GK5: variants seen among roughly 807,000 people sequenced by gnomAD.
GK5 encodes the protein ATP:glycerol 3-phosphotransferase 5.
A neutral mutation model predicts 77.3 loss-of-function variants in GK5; 39 were observed. The ratio of observed to expected loss-of-function variants is 0.50; its 90% CI spans 0.39 to 0.66. GK5 has a LOEUF of 0.66. GK5 is among the 30% of genes least tolerant of loss of function. The pLI, the probability that GK5 is intolerant of heterozygous loss-of-function variation, is 0.00. For synonymous variants in GK5, 211 were observed against 208.0 expected (o/e 1.01, Z -0.13); for missense variants, 487 against 633.8 (o/e 0.77, Z 2.49).
At chr3:142,191,566 T>C (rs1001970922) in intron 5 of GK5, among the ~76,000 whole-genome samples, 2 of 151,684 alleles carry the variant, frequency 1.3e-5, no homozygotes, top group African/African-American at 2.4e-5. Context: ...GGCTGGGCGC[T>C]GTGTCTCTTG....
chr3:142,202,019 T>C (rs895701892), intron 4 of GK5, among the ~76,000 whole-genome samples: 1 of 152,008 alleles, frequency 6.6e-6, no homozygotes, highest in African/African-American at 2.4e-5. Context: ...ATGAGAAGGA[T>C]CCAGCCACGA....
intron 15 of GK5, among the ~76,000 whole-genome samples, chr3:142,168,913 T>C (rs1577104139): frequency 6.6e-6 from 1 of 152,182 alleles, no homozygotes; most frequent in African/African-American, 2.4e-5. Flanking sequence ...AATAGGGATA[T>C]TGAGCCAACC....
At chr3:142,209,440 C>A (rs1262786722) in intron 3 of GK5, among the ~76,000 whole-genome samples, 2 of 152,124 alleles carry the variant, frequency 1.3e-5, no homozygotes, top group African/African-American at 2.4e-5. Context: ...TAGAACAAGA[C>A]AATCTAGAAT....
intron 5 of GK5, among the ~76,000 whole-genome samples, chr3:142,188,120 G>A (rs948490019): frequency 6.6e-6 from 1 of 152,016 alleles, no homozygotes; most frequent in African/African-American, 2.4e-5. Flanking sequence ...TAGTCGGCTG[G>A]GTGCGTTGGC....
At chr3:142,168,704 T>C (rs1227284624) in intron 15 of GK5, among the ~76,000 whole-genome samples, 1 of 151,984 alleles carries the variant, frequency 6.6e-6, no homozygotes, top group Non-Finnish European at 1.5e-5. Context: ...TCTGTTCAAA[T>C]GCAGATCTTT....
At chr3:142,175,487 T>C (rs1023057557) in intron 12 of GK5, among the ~76,000 whole-genome samples, 1 of 152,220 alleles carries the variant, frequency 6.6e-6, no homozygotes, top group Non-Finnish European at 1.5e-5. Flanking sequence ...CACAGATACA[T>C]AAACCTTCCT....
chr3:142,177,594 C>A lies in GK5; in HGVS notation c.1049-18G>T. The A allele has an allele frequency of 6.7e-7, 1 of 1,497,480 alleles. No individual in the cohort carries two copies. The highest frequency in any genetic ancestry group is 1.8e-5 in the Admixed American group (1 of 54,846). 92.8% of individuals were successfully genotyped at this position (1,497,480 alleles called of 1,614,324 possible). On this transcript the variant is annotated intron_variant, in intron 11 of 15. Coordinates refer to ENST00000392993, the MANE Select transcript of GK5 (RefSeq NM_001039547.3). ...GAAAAGGTCTGCAAAAACAAACAAA[C>A]AACAAAAAACCCTAAAACAAAATGA...
intron 11 of GK5, among the ~76,000 whole-genome samples, chr3:142,178,861 G>A (rs1228545875): frequency 6.6e-6 from 1 of 152,204 alleles, no homozygotes; most frequent in Non-Finnish European, 1.5e-5. Flanking sequence ...TTTTCAAAGT[G>A]GCTCTACCAA....
chr3:142,172,285 G>A (rs2063549328), intron 13 of GK5, 68 bp downstream of exon 13: 1 of 727,096 alleles, frequency 1.4e-6, no homozygotes, highest in African/African-American at 1.7e-5. Flanking sequence ...TTTCCATTTA[G>A]TAGCAAATTA....
intron 3 of GK5, among the ~76,000 whole-genome samples, chr3:142,206,497 C>G (rs2064109530): frequency 1.3e-5 from 2 of 152,262 alleles, no homozygotes; most frequent in East Asian, 3.9e-4. Flanking sequence ...TTTTAATTTG[C>G]AATTCCCTGA....
At position 142,182,952 on chromosome 3, in the gene GK5, G is replaced by C. The variant is rs767700276; in HGVS notation, c.914C>G (p.Thr305Ser). The C allele has an allele frequency of 6.2e-7, 1 of 1,610,922 alleles. No individual in the cohort carries two copies. The highest frequency in any genetic ancestry group is 1.7e-5 in the Admixed American group (1 of 60,010). The change falls in exon 10 of 16, where the codon ACT (threonine) becomes AGT (serine). Residue 305 changes from threonine (T) to serine (S), a missense_variant. Physicochemically the swap from Thr to Ser is moderately conservative, Grantham distance 58 (BLOSUM62 1). This residue lies in a region of GK5 where 323 missense variants were observed against 437.4 expected (regional missense o/e 0.74). Coordinates refer to ENST00000392993, the MANE Select transcript of GK5 (RefSeq NM_001039547.3). ...MGTGTFLDIN[T>S]GNSLQQTTGG... ...AGTAGTCTGTTGAAGGCTATTTCCA[G>C]TGTTAATATCCAAAAATGTCCCAGT...
chr3:142,198,485 G>A (rs559550451), intron 5 of GK5, among the ~76,000 whole-genome samples: 84 of 152,136 alleles, frequency 5.5e-4, no homozygotes, highest in African/African-American at 1.9e-3. Flanking sequence ...GTGGTGGCAC[G>A]CGCCTGTAGT....
At chr3:142,185,113 T>A (rs906818478) in intron 9 of GK5, 12 of 985,222 alleles carry the variant, frequency 1.2e-5, no homozygotes, top group Non-Finnish European at 1.4e-5. Context: ...GTGAAAGGAC[T>A]CTTAAAAATC....
chr3:142,191,585 C>A (rs2107782331), intron 5 of GK5, among the ~76,000 whole-genome samples: 1 of 151,988 alleles, frequency 6.6e-6, no homozygotes, highest in Middle Eastern at 3.4e-3. Context: ...TGCCTGTAAT[C>A]CCAGTACTTT....
chr3:142,199,699 T>C (rs1577135001), intron 4 of GK5, among the ~76,000 whole-genome samples: 1 of 151,850 alleles, frequency 6.6e-6, no homozygotes, highest in East Asian at 1.9e-4. Flanking sequence ...AGCAAAATCT[T>C]TAATTTACAA....
Position 142,165,039 on chromosome 3 carries a change from A to G in GK5, c.*583T>C, listed in dbSNP as rs1431557898. On this transcript the variant is annotated 3_prime_UTR_variant, in exon 16 of 16. Coordinates refer to ENST00000392993, the MANE Select transcript of GK5 (RefSeq NM_001039547.3). ...AGTGTCTTTAAGACCAGTAAAGGAA[A>G]GCATTAACTATCTCATAAGCTTATC... 1 of 152,668 alleles carries G rather than the reference A, an allele frequency of 6.6e-6. No individual in the cohort carries two copies. Among genetic ancestry groups the G allele is most frequent in the Non-Finnish European group, 1.5e-5 (1 of 68,042 alleles). 9.5% of individuals were successfully genotyped at this position (152,668 alleles called of 1,614,324 possible).
At chr3:142,167,184 G>A (rs1454873584) in intron 15 of GK5, among the ~76,000 whole-genome samples, 3 of 151,946 alleles carry the variant, frequency 2.0e-5, no homozygotes, top group East Asian at 3.9e-4. Context: ...GATCACCTTG[G>A]GCAATATGGT....
chr3:142,165,318 A>C lies in GK5; in HGVS notation c.*304T>G, dbSNP rs749349786. 2 of 221,778 alleles carry C rather than the reference A, an allele frequency of 9.0e-6. No homozygotes were observed. Among genetic ancestry groups the C allele is most frequent in the Non-Finnish European group, 1.7e-5 (2 of 114,992 alleles). 13.7% of individuals were successfully genotyped at this position (221,778 alleles called of 1,614,324 possible). A position where few individuals can be genotyped will look rare whatever the true frequency, so the allele number is the denominator to read the frequency against. On this transcript the variant is annotated 3_prime_UTR_variant, in exon 16 of 16. Transcript: ENST00000392993. The stretch of plus-strand genomic sequence containing the variant: ...TTATGTTCCTATGTACCACTGACCC[A>C]GTATAAAAAGGAAGAGGACCCATAA...
chr3:142,199,080 A>G lies in GK5; in HGVS notation c.412-147T>C, dbSNP rs939161243. 14 of 548,428 alleles carry G rather than the reference A, an allele frequency of 2.6e-5. No homozygotes were observed. The African/African-American group carries it at 2.7e-4, about 11-fold the overall frequency. The allele number at this position is 548,428 out of a possible 1,614,324, so 34.0% of individuals were successfully genotyped here. A position where few individuals can be genotyped will look rare whatever the true frequency, so the allele number is the denominator to read the frequency against. On this transcript the variant is annotated intron_variant, in intron 4 of 15. Transcript: ENST00000392993. ...TTCTGCAATTAAGAAAATAAAAAACAGCAATATTATCCTAAATGGGCAGTT... is the reference window on the plus strand; with the variant it reads ...TTCTGCAATTAAGAAAATAAAAAACGGCAATATTATCCTAAATGGGCAGTT...
Sources: allele counts gnomAD v4.1 joint callset (sites outside exome capture counted in the v4.1 genomes callset), GRCh38; gene constraint gnomAD v4.1.1; regional missense constraint gnomAD v4.1.1; transcripts MANE v1.5; gene names NCBI Gene and HGNC (gene_info 2026-07-23, HGNC 2026-07-21).